The following FYN variants were observed in gnomAD, a reference collection of about 807,000 sequenced individuals.
The protein encoded by FYN is tyrosine-protein kinase Fyn.
In FYN, 10 loss-of-function variants were observed where a neutral mutation model predicts 70.2. That is an observed-to-expected ratio of 0.14 (90% CI 0.09 to 0.24). FYN has a LOEUF of 0.24. Among genes scored for constraint, FYN ranks in the 10% least tolerant of loss-of-function variants. The pLI is 1.00. For missense variants in FYN, 319 were observed against 673.1 expected (o/e 0.47, Z 5.82); for synonymous variants, 236 against 248.6 (o/e 0.95, Z 0.48).
At chr6:111,715,536 T>C (rs1800594511) in intron 4 of FYN, among the ~76,000 whole-genome samples, 1 of 152,174 alleles carries the variant, frequency 6.6e-6, no homozygotes, top group African/African-American at 2.4e-5. Context: ...CAAAAGATGG[T>C]GACTTCCGTC....
intron 4 of FYN, among the ~76,000 whole-genome samples, chr6:111,719,287 G>T (rs1388366341): frequency 6.6e-6 from 1 of 150,738 alleles, no homozygotes; most frequent in Non-Finnish European, 1.5e-5. Context: ...ATAGCCTTGT[G>T]GTATGAAAGA....
chr6:111,786,334 T>A (rs1771382602), intron 2 of FYN, among the ~76,000 whole-genome samples: 1 of 152,032 alleles, frequency 6.6e-6, no homozygotes, highest in South Asian at 2.1e-4. Flanking sequence ...CTTGTGATAG[T>A]TTGCTGAGAA....
At chr6:111,853,373 T>C (rs1352547599) in intron 1 of FYN, among the ~76,000 whole-genome samples, 1 of 149,844 alleles carries the variant, frequency 6.7e-6, no homozygotes, top group Non-Finnish European at 1.5e-5. Flanking sequence ...TTTTTTTTCA[T>C]CAATTCAAAG....
chr6:111,865,220 C>T (rs1002313428), intron 1 of FYN, among the ~76,000 whole-genome samples: 2 of 152,148 alleles, frequency 1.3e-5, no homozygotes, highest in African/African-American at 4.8e-5. Flanking sequence ...AAGTGCTGCT[C>T]GAGGTCATGG....
At chr6:111,729,281 C>T (rs886902340) in intron 3 of FYN, among the ~76,000 whole-genome samples, 2 of 152,130 alleles carry the variant, frequency 1.3e-5, no homozygotes, top group African/African-American at 2.4e-5. Context: ...CAAGACCAGC[C>T]TAGCCAACAT....
chr6:111,761,877 G>A (rs1803022651), intron 3 of FYN, among the ~76,000 whole-genome samples: 1 of 152,120 alleles, frequency 6.6e-6, no homozygotes, highest in African/African-American at 2.4e-5. Flanking sequence ...CCCTGGACAG[G>A]CTATCTGCAT....
At chr6:111,848,918 T>A (rs2114486061) in intron 1 of FYN, among the ~76,000 whole-genome samples, 1 of 152,378 alleles carries the variant, frequency 6.6e-6, no homozygotes, top group East Asian at 1.9e-4. Flanking sequence ...TTTATCTTTA[T>A]TCTAAATCTG....
chr6:111,694,838 G>C lies in FYN; in HGVS notation c.1043-134C>G. On this transcript the variant is annotated intron_variant, in intron 10 of 13. Coordinates refer to ENST00000354650, the MANE Select transcript of FYN (RefSeq NM_002037.5). This position sits in a 1 kb window ranked among gnomAD's most constrained non-coding sequence, Gnocchi z 5.0. ...TGCCATCCACATGGGGGGACAAAAAGGTTTATATAAAAAAGCAGGGTAGAA... is the reference window on the plus strand; with the variant it reads ...TGCCATCCACATGGGGGGACAAAAACGTTTATATAAAAAAGCAGGGTAGAA... The C allele has an allele frequency of 1.4e-6, 1 of 717,266 alleles. No individual in the cohort carries two copies. Among genetic ancestry groups the C allele is most frequent in the Non-Finnish European group, 2.2e-6 (1 of 444,764 alleles). The allele number at this position is 717,266 out of a possible 1,614,324, so 44.4% of individuals were successfully genotyped here.
chr6:111,730,959 C>T (rs1009065171), intron 3 of FYN, among the ~76,000 whole-genome samples: 10 of 152,210 alleles, frequency 6.6e-5, no homozygotes, highest in African/African-American at 7.2e-5. Context: ...TTCTGGGCTG[C>T]GCCTGTTTAA....
At position 111,703,030 on chromosome 6, in the gene FYN, G is replaced by T. The variant is rs146187358; in HGVS notation, c.552C>A (p.Ala184=). Residue 184 remains alanine, a synonymous_variant, in exon 8 of 14, where the codon GCC becomes GCA. Transcript: ENST00000354650. ...CCCAATCACGGATAGAAAGTGAATA[G>T]GCACCTGGTAAACGTGGAAAGCATT... is the stretch of plus-strand genomic sequence containing the variant. ...LIRESETTKG[A]YSLSIRDWDD... The T allele has an allele frequency of 6.2e-7, 1 of 1,613,658 alleles. No individual in the cohort carries two copies. Among genetic ancestry groups the T allele is most frequent in the South Asian group, 1.1e-5 (1 of 90,968 alleles).
At position 111,661,805 on chromosome 6, in the gene FYN, C is replaced by A. The variant is rs774087768; in HGVS notation, c.1548G>T (p.Leu516Phe). ...DPEERPTFEY[L>F]QSFLEDYFTA... ...TAAAGTAGTCTTCCAGGAAGCTCTG[C>A]AAGTACTCAAAAGTGGGGCGTTCTT... is the stretch of plus-strand genomic sequence containing the variant. Residue 516 changes from leucine to phenylalanine, a missense_variant, in exon 14 of 14, where the codon TTG becomes TTT. By Grantham distance (22) the Leu-to-Phe change is conservative (BLOSUM62 0). Transcript: ENST00000354650. The surrounding 1 kb of genome is among the most constrained non-coding windows in gnomAD (Gnocchi z 4.0). 1 of 1,614,176 alleles carries A rather than the reference C, an allele frequency of 6.2e-7. No homozygotes were observed. Among genetic ancestry groups the A allele is most frequent in the Non-Finnish European group, 8.5e-7 (1 of 1,180,022 alleles).
intron 3 of FYN, among the ~76,000 whole-genome samples, chr6:111,775,278 G>C (rs1292105247): frequency 6.6e-6 from 1 of 152,218 alleles, no homozygotes; most frequent in Non-Finnish European, 1.5e-5. Flanking sequence ...GTGAATTTTA[G>C]AGTGAAAGCA....
At chr6:111,732,575 T>A (rs897564466) in intron 3 of FYN, among the ~76,000 whole-genome samples, 1 of 152,194 alleles carries the variant, frequency 6.6e-6, no homozygotes, top group African/African-American at 2.4e-5. Flanking sequence ...CCCTCCTCCA[T>A]CATAATAGCT....
intron 4 of FYN, among the ~76,000 whole-genome samples, chr6:111,719,362 G>A (rs1432591380): frequency 6.6e-6 from 1 of 151,684 alleles, no homozygotes; most frequent in Non-Finnish European, 1.5e-5. Flanking sequence ...AAGTGAGTGG[G>A]AAGAGGGAGT....
At chr6:111,774,379 A>G (rs752069788) in intron 3 of FYN, among the ~76,000 whole-genome samples, 3 of 152,166 alleles carry the variant, frequency 2.0e-5, no homozygotes, top group Non-Finnish European at 2.9e-5. Flanking sequence ...GCTCTACTGC[A>G]TTCTAGTACA....
At chr6:111,753,219 T>C (rs1368518156) in intron 3 of FYN, among the ~76,000 whole-genome samples, 3 of 152,206 alleles carry the variant, frequency 2.0e-5, no homozygotes, top group Non-Finnish European at 4.4e-5. Context: ...ATAGGAGGAA[T>C]AGTCATGCCA....
At chr6:111,734,798 C>G (rs1026990391) in intron 3 of FYN, among the ~76,000 whole-genome samples, 4 of 152,214 alleles carry the variant, frequency 2.6e-5, no homozygotes, top group African/African-American at 9.7e-5. Flanking sequence ...TCTGCACATA[C>G]CCTTTTATTT....
intron 3 of FYN, among the ~76,000 whole-genome samples, chr6:111,780,204 G>C (rs1771117959): frequency 6.6e-6 from 1 of 152,094 alleles, no homozygotes. Flanking sequence ...GGGTCACACG[G>C]ATCTCTCTGC....
chr6:111,760,613 C>T (rs79150864), intron 3 of FYN, among the ~76,000 whole-genome samples: 111 of 152,304 alleles, frequency 7.3e-4, no homozygotes, highest in African/African-American at 2.6e-3. Context: ...GGCAGGAATG[C>T]TGCAGCGCGC....
Sources: allele counts gnomAD v4.1 joint callset (sites outside exome capture counted in the v4.1 genomes callset), GRCh38; gene constraint gnomAD v4.1.1; non-coding constraint Gnocchi (gnomAD v3.1); transcripts MANE v1.5; gene names NCBI Gene and HGNC (gene_info 2026-07-23, HGNC 2026-07-21).